MYLK3: variants seen among roughly 807,000 people sequenced by gnomAD.
The protein encoded by MYLK3 is MLC kinase.
A neutral mutation model predicts 76.3 loss-of-function variants in MYLK3; 55 were observed. That is an observed-to-expected ratio of 0.72 (90% CI 0.58 to 0.90). The LOEUF (loss-of-function observed/expected upper bound fraction) is 0.90, where lower values mean the gene tolerates loss of function less well. Among genes scored for constraint, MYLK3 ranks in the 40% least tolerant of loss-of-function variants. The probability of loss-of-function intolerance (pLI) is 0.00; values close to 1 mark genes in which losing one functional copy is unlikely to be tolerated. For missense variants in MYLK3, 973 were observed against 1,053.6 expected, an observed-to-expected ratio of 0.92 and a Z score of 1.06; for synonymous variants, 416 against 425.4, an observed-to-expected ratio of 0.98 and a Z score of 0.27.
In MYLK3 at chr16:46,707,494, G is replaced by C. The variant is rs1422707273; in HGVS notation, c.*210C>G. The C allele has an allele frequency of 9.4e-6, 5 of 531,936 alleles. No homozygotes were observed. Among genetic ancestry groups the C allele is most frequent in the African/African-American group, 5.8e-5 (3 of 51,852 alleles). 33.0% of individuals were successfully genotyped at this position (531,936 alleles called of 1,614,324 possible). On this transcript the variant is annotated 3_prime_UTR_variant, in exon 13 of 13. Transcript: ENST00000394809. Reference sequence around the variant, plus strand: ...AGGTACTCAGAGCATTTCACACGTAGTGATCTTACAAGGCAGAAAAAAACG... The same window carrying C: ...AGGTACTCAGAGCATTTCACACGTACTGATCTTACAAGGCAGAAAAAAACG...
At chr16:46,720,108 G>T (rs188900879) in intron 9 of MYLK3, among the ~76,000 whole-genome samples, 60 of 152,324 alleles carry the variant, frequency 3.9e-4, no homozygotes, top group Admixed American at 1.4e-3. Context: ...AATCCGGGAG[G>T]CAGAGGTTGT....
At chr16:46,708,583 TA>T (rs1162820687) in intron 12 of MYLK3, among the ~76,000 whole-genome samples, 1 of 152,098 alleles carries the variant, frequency 6.6e-6, no homozygotes, top group African/African-American at 2.4e-5. Context: ...GCCTCCCAAA[TA>T]GCTGGAACTA....
chr16:46,761,012 C>T (rs1308940692), intron 1 of MYLK3, among the ~76,000 whole-genome samples: 3 of 152,162 alleles, frequency 2.0e-5, no homozygotes, highest in Non-Finnish European at 4.4e-5. Context: ...TGGGGCCCCA[C>T]ATCTGCAGAA....
chr16:46,753,780 G>A (rs118119507), intron 1 of MYLK3, among the ~76,000 whole-genome samples: 5,469 of 152,232 alleles, frequency 0.036, 136 homozygotes, highest in South Asian at 0.052. Context: ...GGGTGTGGTG[G>A]CATGCACCTG....
intron 8 of MYLK3, among the ~76,000 whole-genome samples, chr16:46,724,043 C>A (rs1966825790): frequency 6.6e-6 from 1 of 152,140 alleles, no homozygotes; most frequent in South Asian, 2.1e-4. Context: ...ATTTACAATT[C>A]CCTAGTGACT....
intron 5 of MYLK3, 131 bp downstream of exon 5, chr16:46,730,462 C>T (rs2075157): frequency 0.16 from 116,193 of 713,610 alleles, 11,280 homozygotes; most frequent in East Asian, 0.32. Context: ...CAGGATGTCC[C>T]ACCCCAGCCT....
At chr16:46,751,865 A>G (rs953855945), upstream of MYLK3, among the ~76,000 whole-genome samples, 5 of 152,166 alleles carry the variant, frequency 3.3e-5, no homozygotes, top group Admixed American at 2.6e-4. Flanking sequence ...TTTGGAGCAC[A>G]TGGATTTCCT....
At chr16:46,730,836 A>C (rs988495783) in intron 4 of MYLK3, 138 bp from the exon 5 acceptor site, 1 of 700,942 alleles carries the variant, frequency 1.4e-6, no homozygotes, top group African/African-American at 1.8e-5. Flanking sequence ...CTTTTCTCCA[A>C]ACCATCTCAG....
intron 2 of MYLK3, among the ~76,000 whole-genome samples, chr16:46,739,727 GT>G (rs1966898816): frequency 6.6e-6 from 1 of 152,132 alleles, no homozygotes; most frequent in South Asian, 2.1e-4. Flanking sequence ...GCTTATTTAT[GT>G]TATCAGCAAG....
At chr16:46,738,612 A>T (rs1318752224) in intron 2 of MYLK3, among the ~76,000 whole-genome samples, 9 of 152,236 alleles carry the variant, frequency 5.9e-5, no homozygotes, top group Admixed American at 5.9e-4. Context: ...ATATACTGTA[A>T]GTGAAAGAAA....
intron 1 of MYLK3, among the ~76,000 whole-genome samples, chr16:46,740,551 A>ATATTT (rs1330740991): frequency 1.1e-4 from 14 of 128,360 alleles, no homozygotes; most frequent in African/African-American, 1.8e-4. Context: ...ATATATATAT[A>ATATTT]TTTTTTTTTT....
intron 1 of MYLK3, among the ~76,000 whole-genome samples, chr16:46,761,335 G>C (rs1967273827): frequency 6.6e-6 from 1 of 152,172 alleles, no homozygotes. Context: ...AAGACAGAGG[G>C]ACAGTGATGC....
intron 3 of MYLK3, among the ~76,000 whole-genome samples, chr16:46,736,822 C>A (rs1966870412): frequency 6.6e-6 from 1 of 152,224 alleles, no homozygotes; most frequent in African/African-American, 2.4e-5. Context: ...CGAGAGAAGC[C>A]CGGGGCCACA....
rs530182408 is a variant in MYLK3 at position 46,727,813 on chromosome 16, C to T, written c.1773-436G>A. Among the ~76,000 whole-genome samples the T allele has an allele frequency of 2.0e-5, 3 of 152,326 alleles. No homozygotes were observed. In the South Asian group the frequency reaches 6.2e-4, roughly 32 times the overall value. ...AAGTGCTGAGATTATAGGCGTGAGC[C>T]ACCCCGCCGGGCCTGCCATTGGGGT... On this transcript the variant is annotated intron_variant, in intron 7 of 12. Coordinates refer to ENST00000394809, the MANE Select transcript of MYLK3 (RefSeq NM_182493.3).
chr16:46,732,577 G>A lies in MYLK3; in HGVS notation c.1093C>T (p.Pro365Ser), dbSNP rs1212890266. Residue 365 changes from proline (P) to serine (S), a missense_variant, in exon 4 of 13, where the codon CCA (proline) becomes TCA (serine). This residue lies in a region of MYLK3 where 641 missense variants were observed against 637.0 expected (regional missense o/e 1.01). Coordinates refer to ENST00000394809, the MANE Select transcript of MYLK3 (RefSeq NM_182493.3). ...SLGPTLTTEA[P>S]AAAQPGKQGP... ...TGCTTGCCTGGCTGGGCAGCTGCTG[G>A]AGCCTCTGTGGTGAGGGTGGGTCCA... 2 of 1,598,926 alleles carry A rather than the reference G, an allele frequency of 1.3e-6. No individual in the cohort carries two copies. Among genetic ancestry groups the A allele is most frequent in the African/African-American group, 2.7e-5 (2 of 74,914 alleles).
At chr16:46,752,244 G>GT (rs1967135430), upstream of MYLK3, among the ~76,000 whole-genome samples, 1 of 151,932 alleles carries the variant, frequency 6.6e-6, no homozygotes, top group East Asian at 1.9e-4. Context: ...ATTTTACTTT[G>GT]TTTTTTTCTA....
intron 1 of MYLK3, among the ~76,000 whole-genome samples, chr16:46,756,230 A>G (rs897844757): frequency 3.9e-5 from 6 of 152,234 alleles, no homozygotes; most frequent in African/African-American, 1.4e-4. Context: ...ACAAGAAAGA[A>G]TGAGATTAAA....
At chr16:46,721,929 C>G (rs1966804033) in intron 8 of MYLK3, among the ~76,000 whole-genome samples, 1 of 152,142 alleles carries the variant, frequency 6.6e-6, no homozygotes, top group Admixed American at 6.6e-5. Flanking sequence ...AGGCCTCAAT[C>G]CTGACCAATT....
chr16:46,737,665 C>G lies in MYLK3; in HGVS notation c.1001+46G>C, dbSNP rs754545517. The G allele has an allele frequency of 5.2e-6, 8 of 1,530,964 alleles. No homozygotes were observed. In the South Asian group the frequency reaches 9.7e-5, roughly 19 times the overall value. 94.8% of individuals were successfully genotyped at this position (1,530,964 alleles called of 1,614,324 possible). On this transcript the variant is annotated intron_variant, in intron 3 of 12. Coordinates refer to ENST00000394809, the MANE Select transcript of MYLK3 (RefSeq NM_182493.3). ...CCACGGCCGAGCTCCAGCGAGGGGC[C>G]ACAGTCCATCCCCTCCCTCACCCAG...
Sources: gnomAD v4.1 joint callset for allele counts (sites outside exome capture counted in the v4.1 genomes callset) on GRCh38, gnomAD v4.1.1 for gene constraint, gnomAD v4.1.1 regional missense constraint, MANE v1.5 for transcripts, NCBI Gene and HGNC (gene_info 2026-07-23, HGNC 2026-07-21) for gene names.